The following STARD13 variants were observed in gnomAD, a reference collection of about 807,000 sequenced individuals.
STARD13 encodes the protein stAR-related lipid transfer protein 13.
Under a neutral mutation model 106.4 loss-of-function variants are expected in STARD13, and 62 were observed. That is an observed-to-expected ratio of 0.58 (90% confidence interval 0.48 to 0.72). The LOEUF (loss-of-function observed/expected upper bound fraction) is 0.72. STARD13 is among the 30% of genes least tolerant of loss of function. The probability of loss-of-function intolerance (pLI) is 0.00; values close to 1 mark genes in which losing one functional copy is unlikely to be tolerated. For synonymous variants in STARD13, 565 were observed against 553.0 expected (o/e 1.02, Z -0.31); for missense variants, 1,387 against 1,424.0 (o/e 0.97, Z 0.42).
At chr13:33,418,533 TA>T in the STARD13 span, among the ~76,000 whole-genome samples, 3 of 152,174 alleles carry the variant, frequency 2.0e-5, no homozygotes, top group Non-Finnish European at 2.9e-5. Flanking sequence ...CAAAAGGCAG[TA>T]AAAACTTCTG....
At chr13:33,261,123 A>G (rs1890620225) in intron 1 of STARD13, among the ~76,000 whole-genome samples, 1 of 152,220 alleles carries the variant, frequency 6.6e-6, no homozygotes, top group African/African-American at 2.4e-5. Context: ...ATTTGTATCT[A>G]TCTAGGGATC....
At chr13:33,262,769 C>A (rs953148942) in intron 1 of STARD13, among the ~76,000 whole-genome samples, 2 of 151,772 alleles carry the variant, frequency 1.3e-5, no homozygotes, top group African/African-American at 4.8e-5. Context: ...CAGGCCTTAC[C>A]GAAATCTTCA....
the STARD13 span, among the ~76,000 whole-genome samples, chr13:33,674,632 C>T: frequency 5.5e-3 from 832 of 152,188 alleles, 5 homozygotes; most frequent in Non-Finnish European, 7.5e-3. Flanking sequence ...AGTGCAGCCA[C>T]GAGGGAAAGA....
the STARD13 span, among the ~76,000 whole-genome samples, chr13:33,586,770 T>C: frequency 6.6e-6 from 1 of 152,158 alleles, no homozygotes; most frequent in Non-Finnish European, 1.5e-5. Context: ...AGGTGAATCC[T>C]AGCACCTTCA....
intron 1 of STARD13, among the ~76,000 whole-genome samples, chr13:33,200,254 G>A (rs968112201): frequency 6.6e-6 from 1 of 152,180 alleles, no homozygotes; most frequent in African/African-American, 2.4e-5. Context: ...TCAGCTAGCC[G>A]CTTGCTCTGT....
At chr13:33,498,472 A>G in the STARD13 span, among the ~76,000 whole-genome samples, 1 of 152,218 alleles carries the variant, frequency 6.6e-6, no homozygotes, top group Non-Finnish European at 1.5e-5. Context: ...TAGGCAAGAG[A>G]TAAGGTAATA....
At chr13:33,327,179 C>G (rs2077785226) in intron 1 of STARD13, among the ~76,000 whole-genome samples, 1 of 152,146 alleles carries the variant, frequency 6.6e-6, no homozygotes, top group Admixed American at 6.5e-5. Context: ...TGATGATAAA[C>G]CAATGTTACC....
chr13:33,329,681 G>A (rs906787293), intron 1 of STARD13, among the ~76,000 whole-genome samples: 4 of 126,916 alleles, frequency 3.2e-5, no homozygotes, highest in Non-Finnish European at 5.1e-5. Context: ...GTGTGTGTGT[G>A]ATTGTATAAA....
the STARD13 span, among the ~76,000 whole-genome samples, chr13:33,554,206 G>A: frequency 4.6e-5 from 7 of 152,206 alleles, 2 homozygotes; most frequent in South Asian, 1.5e-3. Flanking sequence ...AATTTTTTTA[G>A]CCTCTTAATT....
At chr13:33,638,015 C>T in the STARD13 span, among the ~76,000 whole-genome samples, 1 of 152,184 alleles carries the variant, frequency 6.6e-6, no homozygotes, top group East Asian at 1.9e-4. Flanking sequence ...ACTTGATTTG[C>T]TTCAGTCATA....
chr13:33,615,557 G>T, the STARD13 span, among the ~76,000 whole-genome samples: 1 of 152,326 alleles, frequency 6.6e-6, no homozygotes, highest in Middle Eastern at 3.4e-3. Context: ...ACTGGGTTGT[G>T]CCTTGGGCTG....
intron 1 of STARD13, among the ~76,000 whole-genome samples, chr13:33,197,577 T>A (rs1038725889): frequency 1.3e-5 from 2 of 152,150 alleles, no homozygotes; most frequent in East Asian, 3.9e-4. Context: ...TTATAAATAT[T>A]CTCTTTCCTC....
intron 1 of STARD13, among the ~76,000 whole-genome samples, chr13:33,224,339 T>C (rs1415335712): frequency 6.6e-6 from 1 of 152,194 alleles, no homozygotes; most frequent in African/African-American, 2.4e-5. Context: ...ATCTTTACAA[T>C]AAAGTCTGTA....
At chr13:33,302,387 T>G (rs558788686) in intron 1 of STARD13, among the ~76,000 whole-genome samples, 10 of 152,270 alleles carry the variant, frequency 6.6e-5, no homozygotes, top group African/African-American at 2.2e-4. Flanking sequence ...TCTCACCTAA[T>G]TCTTTTCTTT....
At chr13:33,617,223 A>G in the STARD13 span, among the ~76,000 whole-genome samples, 1 of 152,170 alleles carries the variant, frequency 6.6e-6, no homozygotes, top group Non-Finnish European at 1.5e-5. Flanking sequence ...CAATAACACT[A>G]TAAGGTGGTT....
chr13:33,520,585 T>C, the STARD13 span, among the ~76,000 whole-genome samples: 1 of 152,104 alleles, frequency 6.6e-6, no homozygotes, highest in Admixed American at 6.6e-5. Context: ...TACATTCAGC[T>C]TGCCCCTCGG....
chr13:33,318,999 A>C (rs538821703), intron 1 of STARD13, among the ~76,000 whole-genome samples: 125 of 152,334 alleles, frequency 8.2e-4, no homozygotes, highest in Middle Eastern at 6.8e-3. Flanking sequence ...GCAGTTCCTC[A>C]AGAAGTTAGA....
chr13:33,500,508 T>A, the STARD13 span, among the ~76,000 whole-genome samples: 3 of 152,324 alleles, frequency 2.0e-5, no homozygotes, highest in South Asian at 4.1e-4. Flanking sequence ...ATGTTCTTTT[T>A]TAATAATCAG....
chr13:33,143,503 C>T (rs1880118669), intron 3 of STARD13, among the ~76,000 whole-genome samples: 1 of 152,174 alleles, frequency 6.6e-6, no homozygotes, highest in Non-Finnish European at 1.5e-5. Context: ...AATTGGGTTA[C>T]CTATTCTCTT....
Sources: gnomAD v4.1 joint callset for allele counts (sites outside exome capture counted in the v4.1 genomes callset) on GRCh38, gnomAD v4.1.1 for gene constraint, MANE v1.5 for transcripts, NCBI Gene and HGNC (gene_info 2026-07-23, HGNC 2026-07-21) for gene names.